The following ENOX1 variants were observed in gnomAD, a reference collection of about 807,000 sequenced individuals.
ENOX1 encodes ecto-NOX disulfide-thiol exchanger 1, also known as candidate growth-related and time keeping constitutive hydroquinone (NADH) oxidase.
A neutral mutation model predicts 82.5 loss-of-function variants in ENOX1; 42 were observed. The ratio of observed to expected loss-of-function variants is 0.51; its 90% CI spans 0.40 to 0.66. The LOEUF (loss-of-function observed/expected upper bound fraction) is 0.66. Ranked by LOEUF, ENOX1 falls within the 30% of genes least tolerant of loss-of-function variation. The pLI, the probability that ENOX1 is intolerant of heterozygous loss-of-function variation, is 0.00. For synonymous variants in ENOX1, 271 were observed against 282.2 expected, an observed-to-expected ratio of 0.96 and a Z score of 0.40; for missense variants, 608 against 811.6, an observed-to-expected ratio of 0.75 and a Z score of 3.05.
At chr13:43,426,033 G>A (rs1289493555) in intron 3 of ENOX1, among the ~76,000 whole-genome samples, 2 of 152,180 alleles carry the variant, frequency 1.3e-5, no homozygotes, top group East Asian at 1.9e-4. Flanking sequence ...GATCTGATAT[G>A]GAGTAAGTAA....
chr13:43,782,142 G>A (rs2153853051), intron 1 of ENOX1, among the ~76,000 whole-genome samples: 2 of 152,282 alleles, frequency 1.3e-5, no homozygotes, highest in South Asian at 4.1e-4. Flanking sequence ...AGAAAAAAAT[G>A]TAAGTATTGT....
At chr13:43,464,028 G>T (rs1334777264) in intron 3 of ENOX1, among the ~76,000 whole-genome samples, 1 of 152,140 alleles carries the variant, frequency 6.6e-6, no homozygotes, top group African/African-American at 2.4e-5. Context: ...CACACACACA[G>T]GCAACTAGAA....
intron 1 of ENOX1, among the ~76,000 whole-genome samples, chr13:43,773,084 C>T (rs1428798229): frequency 6.6e-6 from 1 of 152,188 alleles, no homozygotes; most frequent in African/African-American, 2.4e-5. Flanking sequence ...GAACCCACCA[C>T]CATCTATTCC....
At chr13:43,253,441 C>T (rs1429345522) in intron 14 of ENOX1, among the ~76,000 whole-genome samples, 1 of 152,178 alleles carries the variant, frequency 6.6e-6, no homozygotes, top group Non-Finnish European at 1.5e-5. Flanking sequence ...AATGACTGCC[C>T]TTTGCAGCAC....
At chr13:43,718,977 C>T (rs897648914) in intron 1 of ENOX1, among the ~76,000 whole-genome samples, 1 of 152,088 alleles carries the variant, frequency 6.6e-6, no homozygotes, top group African/African-American at 2.4e-5. Flanking sequence ...ATATTCCATA[C>T]ATAGGAAAAA....
Position 43,522,522 on chromosome 13 carries a change from G to A in ENOX1, c.-218-38370C>T, listed in dbSNP as rs531537630. Among the ~76,000 whole-genome samples the A allele has an allele frequency of 3.4e-4, 52 of 152,226 alleles. No individual in the cohort carries two copies. In the South Asian group the frequency reaches 0.011, roughly 31 times the overall value. ...TGCTAAAGTCACATAACTAATTAAT[G>A]AAGGAGATAAGATTGGAACCAAGGT... On this transcript the variant is annotated intron_variant, in intron 2 of 16. Transcript: ENST00000690772.
intron 11 of ENOX1, among the ~76,000 whole-genome samples, chr13:43,314,774 T>C (rs1182507127): frequency 6.6e-6 from 1 of 152,218 alleles, no homozygotes; most frequent in African/African-American, 2.4e-5. Context: ...GGCCTACATA[T>C]ATATAGCTTC....
chr13:43,627,528 C>G (rs1177289095), intron 2 of ENOX1, among the ~76,000 whole-genome samples: 1 of 152,004 alleles, frequency 6.6e-6, no homozygotes, highest in African/African-American at 2.4e-5. Flanking sequence ...ACTTTGAAGT[C>G]TCTTTGCCTT....
At chr13:43,562,916 C>G (rs1182370775) in intron 2 of ENOX1, among the ~76,000 whole-genome samples, 2 of 152,080 alleles carry the variant, frequency 1.3e-5, no homozygotes, top group Non-Finnish European at 2.9e-5. Flanking sequence ...AAGAGAGAGA[C>G]AGACCACAAT....
intron 1 of ENOX1, among the ~76,000 whole-genome samples, chr13:43,713,477 C>G (rs1333267461): frequency 6.6e-6 from 1 of 152,000 alleles, no homozygotes; most frequent in Non-Finnish European, 1.5e-5. Flanking sequence ...GGAATAGTTT[C>G]AGAAGGAATG....
At chr13:43,450,001 T>C (rs1209993979) in intron 3 of ENOX1, among the ~76,000 whole-genome samples, 1 of 152,250 alleles carries the variant, frequency 6.6e-6, no homozygotes, top group East Asian at 1.9e-4. Flanking sequence ...TCAATTCAAA[T>C]GGTTCCATTA....
chr13:43,737,951 A>T (rs536650904), intron 1 of ENOX1, among the ~76,000 whole-genome samples: 1 of 152,352 alleles, frequency 6.6e-6, no homozygotes, highest in East Asian at 1.9e-4. Context: ...ATAATTTCTG[A>T]TAGGAAAATT....
chr13:43,449,463 C>T (rs1026708977), intron 3 of ENOX1, among the ~76,000 whole-genome samples: 11 of 151,996 alleles, frequency 7.2e-5, no homozygotes, highest in East Asian at 1.9e-4. Context: ...AATAAATGGG[C>T]GTATTTCTTA....
In ENOX1 at chr13:43,641,699, A is replaced by AT. The variant is rs528869800; in HGVS notation, c.-219+25779dup. On this transcript the variant is annotated intron_variant, in intron 2 of 16. Transcript: ENST00000690772. Reference sequence around the variant, plus strand: ...AGGCACCCGCCACCATGTCCGGCTAATTTTTTGTGTTTTTTAGTAGAGATG... The same window carrying AT: ...AGGCACCCGCCACCATGTCCGGCTAATTTTTTTGTGTTTTTTAGTAGAGATG... Among the ~76,000 whole-genome samples, 338 of 151,452 alleles carry AT rather than the reference A, an allele frequency of 2.2e-3. 1 individual carries two copies. Among genetic ancestry groups the AT allele is most frequent in the Middle Eastern group, 0.01 (3 of 294 alleles).
intron 12 of ENOX1, among the ~76,000 whole-genome samples, chr13:43,277,855 AGT>A (rs2153488264): frequency 6.6e-6 from 1 of 152,214 alleles, no homozygotes; most frequent in African/African-American, 2.4e-5. Context: ...CAAAGGGAGG[AGT>A]GAGTTTTTTT....
intron 1 of ENOX1, among the ~76,000 whole-genome samples, chr13:43,749,902 A>G (rs910925778): frequency 2.0e-5 from 3 of 152,196 alleles, no homozygotes; most frequent in African/African-American, 7.2e-5. Flanking sequence ...CTCCCAACAT[A>G]TAAGACAATG....
chr13:43,743,875 G>A (rs781252074), intron 1 of ENOX1, among the ~76,000 whole-genome samples: 2 of 152,120 alleles, frequency 1.3e-5, no homozygotes, highest in African/African-American at 2.4e-5. Flanking sequence ...TCTGGTCAGG[G>A]ACTTCTTGCT....
chr13:43,292,061 T>C (rs1237033013), intron 12 of ENOX1, among the ~76,000 whole-genome samples: 1 of 152,044 alleles, frequency 6.6e-6, no homozygotes, highest in East Asian at 1.9e-4. Flanking sequence ...CTGCCAGCCA[T>C]CACCTTGCTC....
chr13:43,662,569 C>T (rs1045737580), intron 2 of ENOX1, among the ~76,000 whole-genome samples: 12 of 152,126 alleles, frequency 7.9e-5, no homozygotes, highest in African/African-American at 2.9e-4. Flanking sequence ...ATCCTTCTAC[C>T]TTCACTGACA....
Sources: gnomAD v4.1 joint callset for allele counts (sites outside exome capture counted in the v4.1 genomes callset) on GRCh38, gnomAD v4.1.1 for gene constraint, MANE v1.5 for transcripts, NCBI Gene and HGNC (gene_info 2026-07-23, HGNC 2026-07-21) for gene names.